ZNF730: variants seen among roughly 807,000 people sequenced by gnomAD.
ZNF730 encodes zinc finger protein 730, also known as putative zinc finger protein 730.
A neutral mutation model predicts 12.6 loss-of-function variants in ZNF730; 12 were observed. The observed-to-expected ratio is 0.95, with a 90% CI of 0.61 to 1.54. The LOEUF (loss-of-function observed/expected upper bound fraction) is 1.54. Ranked by LOEUF, ZNF730 falls within the 40% of genes most tolerant of loss-of-function variation. The pLI is 0.00. For synonymous variants in ZNF730, 194 were observed against 195.8 expected (o/e 0.99, Z 0.08); for missense variants, 643 against 583.5 (o/e 1.10, Z -1.05).
At chr19:23,142,782 T>G (rs1253270352) in intron 3 of ZNF730, among the ~76,000 whole-genome samples, 1 of 151,772 alleles carries the variant, frequency 6.6e-6, no homozygotes, top group Non-Finnish European at 1.5e-5. Flanking sequence ...CTTACTGTTA[T>G]TTTATTATTT....
chr19:23,124,499 C>T (rs535050940), intron 1 of ZNF730, among the ~76,000 whole-genome samples: 40 of 152,206 alleles, frequency 2.6e-4, no homozygotes, highest in South Asian at 8.3e-4. Context: ...TAGAATCAGC[C>T]TGAGTCTCTC....
At chr19:23,114,369 C>T (rs1042950182), upstream of ZNF730, among the ~76,000 whole-genome samples, 2 of 125,440 alleles carry the variant, frequency 1.6e-5, no homozygotes, top group Middle Eastern at 5.2e-3. Flanking sequence ...TGCAGTGGAG[C>T]GATCTCGGCT....
In ZNF730 at chr19:23,146,178, C is replaced by A. The variant is rs1456572926; in HGVS notation, c.1134C>A (p.Asn378Lys). ...ATAAAGAATGTGGTAAAGCTTTTAA[C>A]CAATCCTCAACTCTTACTATACATA... is the stretch of plus-strand genomic sequence containing the variant. The part of the protein sequence containing the change: ...YKYKECGKAF[N>K]QSSTLTIHKI... The change falls in exon 4 of 4, where the codon AAC becomes AAA. Residue 378 changes from asparagine to lysine, a missense_variant. Coordinates refer to ENST00000597761, the MANE Select transcript of ZNF730 (RefSeq NM_001277403.2). 3 of 1,608,752 alleles carry A rather than the reference C, an allele frequency of 1.9e-6. No homozygotes were observed. In the East Asian group the frequency reaches 6.7e-5, roughly 36 times the overall value.
At chr19:23,089,704 G>A (rs568669883) in intron 1 of ZNF730, among the ~76,000 whole-genome samples, 4 of 152,048 alleles carry the variant, frequency 2.6e-5, no homozygotes, top group African/African-American at 7.2e-5. Flanking sequence ...TTTCTTCCCC[G>A]TCCTGGTTAT....
rs183168662 is a variant in ZNF730 at position 23,109,752 on chromosome 19, T to G, written c.-93-24328T>G. On this transcript the variant is annotated intron_variant, in intron 1 of 2. Transcript: ENST00000593635. ...TTAGTAAAGACAAGGTTTCACCATG[T>G]TGGCCAGTATGGTCTTGATATTTTG... 1.0e-3 allele frequency among the ~76,000 whole-genome samples: 156 copies of G among 152,254 alleles called. 2 individuals are homozygous for G. Among genetic ancestry groups the G allele is most frequent in the African/African-American group, 3.5e-3 (144 of 41,554 alleles).
chr19:23,131,755 C>G (rs1970745371), intron 1 of ZNF730, among the ~76,000 whole-genome samples: 1 of 152,156 alleles, frequency 6.6e-6, no homozygotes, highest in Non-Finnish European at 1.5e-5. Flanking sequence ...CCTTTCAAAA[C>G]CTGCAGAATC....
chr19:23,145,209 T>G, intron 3 of ZNF730, 62 bp from the exon 4 acceptor site: 2 of 1,145,812 alleles, frequency 1.7e-6, no homozygotes, highest in Non-Finnish European at 2.3e-6. Flanking sequence ...CTTTATAGGT[T>G]AGGTTTATAA....
intron 3 of ZNF730, among the ~76,000 whole-genome samples, chr19:23,143,220 G>A (rs1323200035): frequency 6.6e-6 from 1 of 152,088 alleles, no homozygotes; most frequent in African/African-American, 2.4e-5. Flanking sequence ...ACTCCAGCCT[G>A]GGGGACAGAG....
chr19:23,100,594 A>G (rs1027498665), intron 1 of ZNF730, among the ~76,000 whole-genome samples: 2 of 148,380 alleles, frequency 1.3e-5, no homozygotes, highest in African/African-American at 5.1e-5. Context: ...TGTGACTGTC[A>G]TCATTGAACA....
intron 1 of ZNF730, among the ~76,000 whole-genome samples, chr19:23,080,365 A>G (rs1284996877): frequency 6.6e-6 from 1 of 150,776 alleles, no homozygotes; most frequent in Non-Finnish European, 1.5e-5. Flanking sequence ...AGTGTCATGT[A>G]TATACTCTTA....
At chr19:23,103,629 A>G (rs763892170) in intron 1 of ZNF730, among the ~76,000 whole-genome samples, 99 of 152,322 alleles carry the variant, frequency 6.5e-4, no homozygotes, top group Non-Finnish European at 1.2e-3. Context: ...AGTATCTAAA[A>G]GAGAGGTAAA....
At chr19:23,122,979 A>C (rs1970618501) in intron 1 of ZNF730, among the ~76,000 whole-genome samples, 1 of 152,216 alleles carries the variant, frequency 6.6e-6, no homozygotes, top group Admixed American at 6.5e-5. Flanking sequence ...TATTAGTTTG[A>C]CATGCTTATT....
At chr19:23,117,359 C>A (rs372245615) in intron 1 of ZNF730, among the ~76,000 whole-genome samples, 183 bp downstream of exon 1, 1 of 152,122 alleles carries the variant, frequency 6.6e-6, no homozygotes, top group African/African-American at 2.4e-5. Flanking sequence ...CAGCCGGGGC[C>A]CCGGCGTCCT....
At chr19:23,114,080 A>G (rs915032098), upstream of ZNF730, among the ~76,000 whole-genome samples, 3 of 152,180 alleles carry the variant, frequency 2.0e-5, no homozygotes, top group Non-Finnish European at 2.9e-5. Flanking sequence ...TGTTTAAATA[A>G]GGAAAATCCC....
chr19:23,135,316 A>T (rs146445177), intron 2 of ZNF730, among the ~76,000 whole-genome samples: 189 of 141,766 alleles, frequency 1.3e-3, no homozygotes, highest in African/African-American at 4.6e-3. Flanking sequence ...TTTGACCTGA[A>T]CTTTCCACTT....
chr19:23,113,873 C>T (rs918539285), upstream of ZNF730, among the ~76,000 whole-genome samples: 7 of 151,970 alleles, frequency 4.6e-5, no homozygotes, highest in East Asian at 3.9e-4. Flanking sequence ...TAGAAGATGA[C>T]CAAAAAAGGA....
chr19:23,144,908 G>A (rs981203544), intron 3 of ZNF730, among the ~76,000 whole-genome samples: 1 of 152,112 alleles, frequency 6.6e-6, no homozygotes, highest in Non-Finnish European at 1.5e-5. Context: ...AAATAAAGAT[G>A]TATGTGCCAG....
chr19:23,085,248 A>G (rs968051825), intron 1 of ZNF730, among the ~76,000 whole-genome samples: 41 of 152,152 alleles, frequency 2.7e-4, no homozygotes, highest in African/African-American at 9.2e-4. Flanking sequence ...TTGATCACAC[A>G]TAAGTCTTCT....
At chr19:23,081,141 A>C (rs1296317167) in intron 1 of ZNF730, among the ~76,000 whole-genome samples, 2 of 146,236 alleles carry the variant, frequency 1.4e-5, no homozygotes, top group African/African-American at 2.5e-5. Flanking sequence ...CCACCATACT[A>C]GACCTCTTTT....
Sources: allele counts gnomAD v4.1 joint callset (sites outside exome capture counted in the v4.1 genomes callset), GRCh38; gene constraint gnomAD v4.1.1; transcripts MANE v1.5; gene names NCBI Gene and HGNC (gene_info 2026-07-23, HGNC 2026-07-21).